EBF1: variants seen among roughly 807,000 people sequenced by gnomAD.
The protein encoded by EBF1 is EBF transcription factor 1, also known as transcription factor COE1.
Under a neutral mutation model 68.4 loss-of-function variants are expected in EBF1, and 10 were observed. The observed-to-expected ratio is 0.15, with a 90% CI of 0.09 to 0.25. The LOEUF is 0.25. Among genes scored for constraint, EBF1 ranks in the 10% least tolerant of loss-of-function variants. The pLI is 1.00. For missense variants in EBF1, 509 were observed against 794.4 expected (o/e 0.64, Z 4.32); for synonymous variants, 298 against 299.8 (o/e 0.99, Z 0.06).
At chr5:158,903,344 C>T (rs1803857345) in intron 6 of EBF1, among the ~76,000 whole-genome samples, 1 of 152,114 alleles carries the variant, frequency 6.6e-6, no homozygotes, top group African/African-American at 2.4e-5. Context: ...TTCAAATGCT[C>T]ACCGTGTCTG....
intron 4 of EBF1, among the ~76,000 whole-genome samples, chr5:159,094,165 CAAAAAAAAAAA>C (rs869228922): frequency 9.6e-4 from 21 of 21,880 alleles, no homozygotes; most frequent in South Asian, 3.0e-3. Flanking sequence ...CCTTGGAAGG[CAAAAAAAAAAA>C]AAAAAAAAAA....
At chr5:158,782,799 G>C (rs1043467363) in intron 9 of EBF1, among the ~76,000 whole-genome samples, 1 of 152,044 alleles carries the variant, frequency 6.6e-6, no homozygotes, top group Non-Finnish European at 1.5e-5. Flanking sequence ...ACTCCACTGG[G>C]TATCATAATC....
At chr5:158,711,610 T>C (rs1396398281) in intron 14 of EBF1, among the ~76,000 whole-genome samples, 2 of 152,274 alleles carry the variant, frequency 1.3e-5, no homozygotes, top group African/African-American at 2.4e-5. Flanking sequence ...AACTAATAGA[T>C]GTTTTGGGAT....
chr5:158,866,851 A>ATG (rs1562162565), intron 6 of EBF1, among the ~76,000 whole-genome samples: 7 of 5,686 alleles, frequency 1.2e-3, no homozygotes, highest in South Asian at 0.02. Flanking sequence ...ATATATATAT[A>ATG]TATATATATA....
intron 6 of EBF1, among the ~76,000 whole-genome samples, chr5:159,009,606 C>G (rs541719358): frequency 1.3e-4 from 20 of 151,986 alleles, no homozygotes; most frequent in African/African-American, 4.8e-4. Context: ...TTTTAGACAT[C>G]ACACAAAAAA....
chr5:159,084,798 AAATCAC>A lies in EBF1; in HGVS notation c.412-65_412-60del, dbSNP rs1416576616. 4.6e-5 allele frequency: 68 copies of A among 1,480,084 alleles called. No individual in the cohort carries two copies. In the East Asian group the frequency reaches 1.0e-3, roughly 23 times the overall value. The allele number at this position is 1,480,084 out of a possible 1,614,324, so 91.7% of individuals were successfully genotyped here. On this transcript the variant is annotated intron_variant, in intron 4 of 15. Coordinates refer to ENST00000313708, the MANE Select transcript of EBF1 (RefSeq NM_024007.5). ...GAAAGGAGTAGCAGAAAAAAAAAAA[AAATCAC>A]AATTGAGTTCTTAACCACTTCACCA...
In EBF1 at chr5:158,739,194, C is replaced by T. The variant is rs1295530113; in HGVS notation, c.1037-8037G>A. 3.9e-5 allele frequency among the ~76,000 whole-genome samples: 6 copies of T among 152,182 alleles called. No individual in the cohort carries two copies. The East Asian group carries it at 9.6e-4, about 24-fold the overall frequency. On this transcript the variant is annotated intron_variant, in intron 10 of 15. Coordinates refer to ENST00000313708, the MANE Select transcript of EBF1 (RefSeq NM_024007.5). Reference sequence around the variant, plus strand: ...TTATACTACAACCGGTTGGCATTTTCTAGATGTGTGGTGAGAAGTTACTGG... The same window carrying T: ...TTATACTACAACCGGTTGGCATTTTTTAGATGTGTGGTGAGAAGTTACTGG...
At chr5:158,788,749 C>A (rs1777960135) in intron 9 of EBF1, among the ~76,000 whole-genome samples, 1 of 152,162 alleles carries the variant, frequency 6.6e-6, no homozygotes. Context: ...ATTCATCACA[C>A]TTCTGTGGTT....
intron 6 of EBF1, among the ~76,000 whole-genome samples, chr5:159,062,325 T>C (rs1045054967): frequency 1.3e-5 from 2 of 152,086 alleles, no homozygotes; most frequent in African/African-American, 2.4e-5. Context: ...AGGCGCCTGA[T>C]TGGATTTTGT....
At chr5:158,986,815 C>A (rs1207087694) in intron 6 of EBF1, 1 of 152,194 alleles carries the variant, frequency 6.6e-6, no homozygotes, top group Non-Finnish European at 1.5e-5. Context: ...ATCACTCATT[C>A]AACCAAATAT....
At chr5:158,850,905 G>C (rs1363626714) in intron 6 of EBF1, among the ~76,000 whole-genome samples, 1 of 151,810 alleles carries the variant, frequency 6.6e-6, no homozygotes, top group Non-Finnish European at 1.5e-5. Flanking sequence ...TATTCTGGAG[G>C]CTGAGGCAAG....
chr5:158,774,768 C>T (rs1774727483), intron 10 of EBF1, among the ~76,000 whole-genome samples: 1 of 152,092 alleles, frequency 6.6e-6, no homozygotes, highest in African/African-American at 2.4e-5. Context: ...CAGCCATGAA[C>T]AAGCAACGCA....
chr5:158,700,131 C>T (rs1756417906), intron 15 of EBF1, among the ~76,000 whole-genome samples: 2 of 152,236 alleles, frequency 1.3e-5, no homozygotes, highest in Admixed American at 6.5e-5. Flanking sequence ...ATTTTTAACC[C>T]ATCACTTCTG....
intron 6 of EBF1, among the ~76,000 whole-genome samples, chr5:158,869,330 C>A (rs1028109073): frequency 6.6e-6 from 1 of 152,108 alleles, no homozygotes. Flanking sequence ...TGTTGCTTAT[C>A]CGGGAGGACC....
intron 6 of EBF1, among the ~76,000 whole-genome samples, chr5:158,967,319 A>G (rs1754374093): frequency 6.6e-6 from 1 of 152,188 alleles, no homozygotes; most frequent in Admixed American, 6.5e-5. Flanking sequence ...CTAAAATACA[A>G]GTTTCATTCT....
chr5:158,753,196 G>A (rs976991131), intron 10 of EBF1, among the ~76,000 whole-genome samples: 1 of 152,010 alleles, frequency 6.6e-6, no homozygotes, highest in African/African-American at 2.4e-5. Context: ...CTCTGGTGAA[G>A]CAAGCTAGAA....
intron 6 of EBF1, among the ~76,000 whole-genome samples, chr5:159,008,232 G>C (rs1221587564): frequency 6.6e-6 from 1 of 152,194 alleles, no homozygotes; most frequent in Non-Finnish European, 1.5e-5. Flanking sequence ...TCCATGTCTA[G>C]AAATCTATTC....
chr5:158,753,500 C>A (rs1308398510), intron 10 of EBF1, among the ~76,000 whole-genome samples: 3 of 152,056 alleles, frequency 2.0e-5, no homozygotes, highest in Non-Finnish European at 4.4e-5. Context: ...AGGTAGTGGT[C>A]TGCTACAACT....
chr5:159,006,677 G>C (rs1302784334), intron 6 of EBF1, among the ~76,000 whole-genome samples: 17 of 22,998 alleles, frequency 7.4e-4, no homozygotes, highest in African/African-American at 1.2e-3. Flanking sequence ...AAAAAAAAAA[G>C]CCTGGGAATC....
Sources: allele counts gnomAD v4.1 joint callset (sites outside exome capture counted in the v4.1 genomes callset), GRCh38; gene constraint gnomAD v4.1.1; transcripts MANE v1.5; gene names NCBI Gene and HGNC (gene_info 2026-07-23, HGNC 2026-07-21).